AMBRA1: variants seen among roughly 807,000 people sequenced by gnomAD.
The protein encoded by AMBRA1 is activating molecule in BECN1-regulated autophagy protein 1.
A neutral mutation model predicts 125.4 loss-of-function variants in AMBRA1; 47 were observed. The ratio of observed to expected loss-of-function variants is 0.37; its 90% CI spans 0.30 to 0.48. The LOEUF (loss-of-function observed/expected upper bound fraction) is 0.48, where lower values mean the gene tolerates loss of function less well. Ranked by LOEUF, AMBRA1 falls within the 20% of genes least tolerant of loss-of-function variation. The pLI, the probability that AMBRA1 is intolerant of heterozygous loss-of-function variation, is 0.99. For missense variants in AMBRA1, 1,331 were observed against 1,693.4 expected (o/e 0.79, Z 3.76); for synonymous variants, 626 against 655.5 (o/e 0.95, Z 0.69).
At chr11:46,513,621 G>A (rs1043402302) in intron 7 of AMBRA1, among the ~76,000 whole-genome samples, 9 of 152,080 alleles carry the variant, frequency 5.9e-5, no homozygotes, top group Non-Finnish European at 8.8e-5. Flanking sequence ...AGGACTCCAG[G>A]GAAGGCCTGT....
intron 7 of AMBRA1, among the ~76,000 whole-genome samples, chr11:46,526,288 G>A (rs1279778862): frequency 6.6e-6 from 1 of 151,828 alleles, no homozygotes; most frequent in African/African-American, 2.4e-5. Flanking sequence ...TCCAAAGATG[G>A]CTCCAAAGAA....
At chr11:46,572,126 T>C (rs990124758) in intron 1 of AMBRA1, among the ~76,000 whole-genome samples, 1 of 152,018 alleles carries the variant, frequency 6.6e-6, no homozygotes, top group Non-Finnish European at 1.5e-5. Flanking sequence ...CATGATGAAA[T>C]GCCGTCTCTA....
At chr11:46,399,904 GAA>G (rs1945649142) in intron 17 of AMBRA1, among the ~76,000 whole-genome samples, 1 of 145,162 alleles carries the variant, frequency 6.9e-6, no homozygotes, top group Admixed American at 6.6e-5. Flanking sequence ...TGTGGGAACA[GAA>G]AAGACTTCGG....
intron 14 of AMBRA1, among the ~76,000 whole-genome samples, chr11:46,424,246 G>T (rs72910102): frequency 0.074 from 11,225 of 150,716 alleles, 626 homozygotes; most frequent in Middle Eastern, 0.12. Flanking sequence ...ACAGCAAACA[G>T]CCTTTTTTTT....
chr11:46,440,626 C>G (rs1947957675), intron 12 of AMBRA1, among the ~76,000 whole-genome samples: 1 of 151,932 alleles, frequency 6.6e-6, no homozygotes, highest in Non-Finnish European at 1.5e-5. Flanking sequence ...AATTATGGAA[C>G]AGAAAGCTAG....
chr11:46,530,117 A>C (rs145674394), intron 7 of AMBRA1, among the ~76,000 whole-genome samples: 1 of 152,216 alleles, frequency 6.6e-6, no homozygotes, highest in Non-Finnish European at 1.5e-5. Flanking sequence ...GAATAGATAC[A>C]GTAGAGAAGG....
Position 46,545,143 on chromosome 11 carries a change from T to TAA in AMBRA1, c.551+459_551+460dup, listed in dbSNP as rs1202803135. ...GTAACAGAGCAAGACCCTGTCTCCT[T>TAA]AAAAAAAAAAAAAAAGCCGGGGGGG... On this transcript the variant is annotated intron_variant, in intron 5 of 17. Coordinates refer to ENST00000683756, the MANE Select transcript of AMBRA1 (RefSeq NM_001387011.1). 4.2e-3 allele frequency among the ~76,000 whole-genome samples: 125 copies of TAA among 29,972 alleles called. 2 individuals carry two copies. Among genetic ancestry groups the TAA allele is most frequent in the African/African-American group, 0.015 (118 of 7,720 alleles). 19.7% of individuals were successfully genotyped at this position (29,972 alleles called of 152,430 possible).
chr11:46,418,332 G>A (rs7951713), intron 14 of AMBRA1, among the ~76,000 whole-genome samples: 260 of 4,900 alleles, frequency 0.053, 1 homozygote, highest in South Asian at 0.082. Context: ...ATATAAATAT[G>A]TATTTTATTA....
At chr11:46,418,588 C>T (rs1260892846) in intron 14 of AMBRA1, among the ~76,000 whole-genome samples, 1 of 151,584 alleles carries the variant, frequency 6.6e-6, no homozygotes, top group Non-Finnish European at 1.5e-5. Context: ...GTGTGATGTT[C>T]TCCTTCCTGT....
chr11:46,480,743 T>C (rs1950029777), intron 11 of AMBRA1, among the ~76,000 whole-genome samples: 2 of 152,120 alleles, frequency 1.3e-5, no homozygotes, highest in South Asian at 4.1e-4. Flanking sequence ...GGAAGCTACA[T>C]ACATGAAAAA....
intron 11 of AMBRA1, among the ~76,000 whole-genome samples, chr11:46,454,816 T>C (rs1257310776): frequency 6.6e-6 from 1 of 150,492 alleles, no homozygotes; most frequent in Non-Finnish European, 1.5e-5. Context: ...GACACAGCAG[T>C]AGATAGAGCC....
At chr11:46,518,998 T>C (rs1249976273) in intron 7 of AMBRA1, among the ~76,000 whole-genome samples, 2 of 152,206 alleles carry the variant, frequency 1.3e-5, no homozygotes, top group Non-Finnish European at 2.9e-5. Flanking sequence ...GCAGATCAAC[T>C]GAAAGAAAAG....
In AMBRA1 at chr11:46,547,899, A is replaced by G. The variant is rs746517188; in HGVS notation, c.136-24T>C. On this transcript the variant is annotated intron_variant, in intron 2 of 17. Transcript: ENST00000683756. ...CTCTGGGAGACAAAAAAAAAAAAAA[A>G]GTTAAAATACATGATTTGTAGACCA... The G allele has an allele frequency of 2.6e-6, 4 of 1,523,842 alleles. No homozygotes were observed. In the Admixed American group the frequency reaches 5.2e-5, roughly 20 times the overall value. 94.4% of individuals were successfully genotyped at this position (1,523,842 alleles called of 1,614,324 possible). A position where few individuals can be genotyped will look rare whatever the true frequency, so the allele number is the denominator to read the frequency against.
chr11:46,400,473 G>GTTTTTTT lies in AMBRA1; in HGVS notation c.3404-2537_3404-2531dup, dbSNP rs553040136. Among the ~76,000 whole-genome samples, 9 of 48,894 alleles carry GTTTTTTT rather than the reference G, an allele frequency of 1.8e-4. 4 individuals carry two copies. The highest frequency in any genetic ancestry group is 2.6e-4 in the African/African-American group (4 of 15,492). The allele number at this position is 48,894 out of a possible 152,430, so 32.1% of individuals were successfully genotyped here. Reference sequence around the variant, plus strand: ...CCTCATGCTTCTAGTTCTTTCTATAGTTTTTTTTTTTTTTTTTTTTTTTTT... The same window carrying GTTTTTTT: ...CCTCATGCTTCTAGTTCTTTCTATAGTTTTTTTTTTTTTTTTTTTTTTTTTTTTTTTT... On this transcript the variant is annotated intron_variant, in intron 17 of 17. Coordinates refer to ENST00000683756, the MANE Select transcript of AMBRA1 (RefSeq NM_001387011.1).
intron 15 of AMBRA1, 129 bp downstream of exon 15, chr11:46,417,784 G>A (rs1946609961): frequency 8.8e-7 from 1 of 1,135,674 alleles, no homozygotes; most frequent in Non-Finnish European, 1.2e-6. Context: ...TTTAAGGAGT[G>A]GCGCTGAGAA....
intron 1 of AMBRA1, among the ~76,000 whole-genome samples, chr11:46,565,947 G>A (rs926726388): frequency 6.6e-6 from 1 of 151,578 alleles, no homozygotes; most frequent in Non-Finnish European, 1.5e-5. Flanking sequence ...AATTTTTTTT[G>A]TATTTTTCGT....
At chr11:46,449,340 T>G (rs1426268328) in intron 11 of AMBRA1, among the ~76,000 whole-genome samples, 1 of 152,216 alleles carries the variant, frequency 6.6e-6, no homozygotes, top group Non-Finnish European at 1.5e-5. Context: ...TAGCAAGGTT[T>G]CAAGATACAA....
intron 7 of AMBRA1, among the ~76,000 whole-genome samples, chr11:46,517,785 C>T (rs1347599339): frequency 2.8e-5 from 4 of 144,318 alleles, no homozygotes; most frequent in Admixed American, 6.9e-5. Context: ...GAGCCAAGAT[C>T]GCGCCACTGC....
At chr11:46,575,704 A>G (rs2135291827) in intron 1 of AMBRA1, among the ~76,000 whole-genome samples, 1 of 151,978 alleles carries the variant, frequency 6.6e-6, no homozygotes, top group African/African-American at 2.4e-5. Flanking sequence ...TTTAGTAGAG[A>G]TGGGGTTTCA....
Sources: gnomAD v4.1 joint callset for allele counts (sites outside exome capture counted in the v4.1 genomes callset) on GRCh38, gnomAD v4.1.1 for gene constraint, MANE v1.5 for transcripts, NCBI Gene and HGNC (gene_info 2026-07-23, HGNC 2026-07-21) for gene names.